ZNF892: variants seen among roughly 807,000 people sequenced by gnomAD.
ZNF892 encodes the protein zinc finger protein 892.
the ZNF892 span, among the ~76,000 whole-genome samples, chr2:95,223,743 C>T: frequency 5.3e-5 from 8 of 152,138 alleles, no homozygotes; most frequent in African/African-American, 1.9e-4. Context: ...AAAATTCATC[C>T]ATTTAAAATG....
At chr2:95,218,438 T>C in the ZNF892 span, among the ~76,000 whole-genome samples, 40 of 152,196 alleles carry the variant, frequency 2.6e-4, no homozygotes, top group African/African-American at 9.7e-4. Flanking sequence ...TTTGCCACTT[T>C]ATAACAAGAA....
At chr2:95,253,867 A>G in the ZNF892 span, among the ~76,000 whole-genome samples, 3 of 152,158 alleles carry the variant, frequency 2.0e-5, no homozygotes, top group African/African-American at 7.2e-5. Context: ...GAGTTCACTC[A>G]TGATTTGGCT....
chr2:95,260,531 C>T, the ZNF892 span, among the ~76,000 whole-genome samples: 2 of 152,162 alleles, frequency 1.3e-5, no homozygotes, highest in Admixed American at 1.3e-4. Flanking sequence ...AAAGTGCATT[C>T]CTGGACATCC....
the ZNF892 span, among the ~76,000 whole-genome samples, chr2:95,223,524 G>C: frequency 6.6e-6 from 1 of 151,870 alleles, no homozygotes; most frequent in Admixed American, 6.6e-5. Flanking sequence ...TCAGTCTCTC[G>C]AGTAGCTGGG....
the ZNF892 span, chr2:95,232,221 C>T: frequency 6.6e-6 from 1 of 152,312 alleles, no homozygotes; most frequent in Non-Finnish European, 1.5e-5. Flanking sequence ...TACCGGGGGG[C>T]CCTGGGCTTC....
the ZNF892 span, among the ~76,000 whole-genome samples, chr2:95,261,147 G>C: frequency 6.6e-6 from 1 of 152,144 alleles, no homozygotes; most frequent in Non-Finnish European, 1.5e-5. Context: ...CCCAGAAGAG[G>C]GAGGCCCTGC....
the ZNF892 span, among the ~76,000 whole-genome samples, chr2:95,245,056 T>G: frequency 6.6e-6 from 1 of 152,050 alleles, no homozygotes; most frequent in African/African-American, 2.4e-5. Context: ...AGAGGGAAAT[T>G]TATAACACTA....
At chr2:95,239,976 T>A in the ZNF892 span, among the ~76,000 whole-genome samples, 1 of 152,170 alleles carries the variant, frequency 6.6e-6, no homozygotes, top group Non-Finnish European at 1.5e-5. Context: ...AAACAAAAAA[T>A]TTGTGTCACT....
At chr2:95,243,691 C>T in the ZNF892 span, among the ~76,000 whole-genome samples, 13 of 151,630 alleles carry the variant, frequency 8.6e-5, no homozygotes, top group East Asian at 3.9e-4. Context: ...CGTCTCCGCC[C>T]GGCAGCCACC....
At chr2:95,251,411 A>G in the ZNF892 span, among the ~76,000 whole-genome samples, 2 of 152,192 alleles carry the variant, frequency 1.3e-5, no homozygotes, top group Admixed American at 1.3e-4. Flanking sequence ...TCCAAGGTAC[A>G]CCTACTTTAA....
the ZNF892 span, among the ~76,000 whole-genome samples, chr2:95,224,956 G>C: frequency 6.6e-6 from 1 of 152,200 alleles, no homozygotes; most frequent in Non-Finnish European, 1.5e-5. Context: ...GAATGATGCA[G>C]CAAGAAGGCC....
chr2:95,242,834 C>T, the ZNF892 span, among the ~76,000 whole-genome samples: 2 of 151,930 alleles, frequency 1.3e-5, no homozygotes, highest in Non-Finnish European at 2.9e-5. Flanking sequence ...TCTCCCTCTC[C>T]CCACGGTCTC....
At chr2:95,253,077 G>A in the ZNF892 span, among the ~76,000 whole-genome samples, 6 of 152,166 alleles carry the variant, frequency 3.9e-5, no homozygotes, top group African/African-American at 9.7e-5. Context: ...CTGTGCAGAA[G>A]CTCTTTAGTT....
At chr2:95,261,860 C>T in the ZNF892 span, among the ~76,000 whole-genome samples, 1 of 152,194 alleles carries the variant, frequency 6.6e-6, no homozygotes, top group Non-Finnish European at 1.5e-5. Flanking sequence ...GGTCATGCAT[C>T]AAGTTCCAGG....
the ZNF892 span, among the ~76,000 whole-genome samples, chr2:95,255,230 C>G: frequency 6.6e-6 from 1 of 151,780 alleles, no homozygotes; most frequent in Non-Finnish European, 1.5e-5. Flanking sequence ...CTATAAATTT[C>G]CCTCTACACA....
chr2:95,207,817 T>C, the ZNF892 span: 1 of 398,606 alleles, frequency 2.5e-6, no homozygotes, highest in Non-Finnish European at 4.4e-6. Context: ...GGAGTCTCCA[T>C]GGAACCTGAG....
the ZNF892 span, among the ~76,000 whole-genome samples, chr2:95,249,749 G>A: frequency 6.6e-6 from 1 of 152,046 alleles, no homozygotes; most frequent in Non-Finnish European, 1.5e-5. Context: ...TTAATAGAAT[G>A]AAATAGCCTT....
At chr2:95,243,878 A>G in the ZNF892 span, among the ~76,000 whole-genome samples, 2 of 152,196 alleles carry the variant, frequency 1.3e-5, no homozygotes, top group African/African-American at 4.8e-5. Context: ...CATGATGACA[A>G]TGGCGGTTTT....
At chr2:95,237,139 A>G in the ZNF892 span, among the ~76,000 whole-genome samples, 6 of 145,104 alleles carry the variant, frequency 4.1e-5, no homozygotes, top group Non-Finnish European at 7.5e-5. Context: ...ATGATCAGTG[A>G]GCTTTTTTTT....
Sources: allele counts gnomAD v4.1 joint callset (sites outside exome capture counted in the v4.1 genomes callset), GRCh38; gene constraint gnomAD v4.1.1; transcripts MANE v1.5; gene names NCBI Gene and HGNC (gene_info 2026-07-23, HGNC 2026-07-21).